GRIK1: variants seen among roughly 807,000 people sequenced by gnomAD.
GRIK1 encodes the protein glutamate ionotropic receptor kainate type subunit 1, also known as glutamate receptor ionotropic, kainate 1.
A neutral mutation model predicts 105.7 loss-of-function variants in GRIK1; 69 were observed. The ratio of observed to expected loss-of-function variants is 0.65; its 90% confidence interval spans 0.54 to 0.80. The LOEUF is 0.80. Among genes scored for constraint, GRIK1 ranks in the 30% least tolerant of loss-of-function variants. The probability of loss-of-function intolerance (pLI) is 0.00; values close to 1 mark genes in which losing one functional copy is unlikely to be tolerated. For missense variants in GRIK1, 1,109 were observed against 1,167.3 expected (o/e 0.95, Z 0.73); for synonymous variants, 438 against 431.3 (o/e 1.02, Z -0.19).
chr21:29,928,595 T>C (rs1234969917), intron 1 of GRIK1, among the ~76,000 whole-genome samples: 1 of 152,206 alleles, frequency 6.6e-6, no homozygotes, highest in Admixed American at 6.5e-5. Context: ...GAAGGTCACT[T>C]GGAGTGGGTG....
chr21:29,695,655 A>G (rs1284050012), intron 1 of GRIK1, among the ~76,000 whole-genome samples: 1 of 151,978 alleles, frequency 6.6e-6, no homozygotes, highest in Non-Finnish European at 1.5e-5. Context: ...TTGTATTTTT[A>G]GTAGATATGG....
chr21:29,868,131 C>T (rs2068890978), intron 1 of GRIK1, among the ~76,000 whole-genome samples: 1 of 152,026 alleles, frequency 6.6e-6, no homozygotes, highest in South Asian at 2.1e-4. Context: ...GAAAAGGCAT[C>T]TGAAAAGATC....
intron 14 of GRIK1, among the ~76,000 whole-genome samples, chr21:29,574,903 C>A (rs1298445087): frequency 3.3e-5 from 5 of 151,738 alleles, no homozygotes; most frequent in Non-Finnish European, 5.9e-5. Flanking sequence ...ACCGTGTTAG[C>A]CAGGATGGTC....
At chr21:29,796,273 G>T (rs747667371) in intron 1 of GRIK1, among the ~76,000 whole-genome samples, 24 of 152,070 alleles carry the variant, frequency 1.6e-4, no homozygotes, top group Non-Finnish European at 3.1e-4. Context: ...TATCCCCAAG[G>T]CTGAGTGTGG....
Position 29,880,949 on chromosome 21 carries a change from C to T in GRIK1, c.118+58434G>A, listed in dbSNP as rs554945987. ...AGGCTAGGTGATAAGGTGAAGATCT[C>T]TGAGGTTAGTAGTGCCCCAGGTTGG... On this transcript the variant is annotated intron_variant, in intron 1 of 17. Coordinates refer to ENST00000327783, the MANE Select transcript of GRIK1 (RefSeq NM_001330994.2). Among the ~76,000 whole-genome samples, 265 of 152,228 alleles carry T rather than the reference C, an allele frequency of 1.7e-3. 7 individuals carry two copies. The South Asian group carries it at 0.052, about 30-fold the overall frequency.
chr21:29,738,361 C>T (rs1289633039), intron 1 of GRIK1, among the ~76,000 whole-genome samples: 1 of 152,228 alleles, frequency 6.6e-6, no homozygotes, highest in Non-Finnish European at 1.5e-5. Flanking sequence ...AGATTCCAAA[C>T]TACATTCAGA....
intron 1 of GRIK1, among the ~76,000 whole-genome samples, chr21:29,923,942 A>G (rs1181437379): frequency 6.6e-6 from 1 of 152,220 alleles, no homozygotes; most frequent in Non-Finnish European, 1.5e-5. Flanking sequence ...CAAAACAACA[A>G]AAACATAGTT....
intron 1 of GRIK1, among the ~76,000 whole-genome samples, chr21:29,702,432 G>A (rs1181475511): frequency 6.6e-6 from 1 of 152,166 alleles, no homozygotes; most frequent in African/African-American, 2.4e-5. Context: ...GGCATTTAAA[G>A]CCATGAGACT....
chr21:29,853,483 A>G (rs549350492), intron 1 of GRIK1, among the ~76,000 whole-genome samples: 223 of 152,332 alleles, frequency 1.5e-3, no homozygotes, highest in Non-Finnish European at 2.0e-3. Context: ...TAGTACTCAG[A>G]TATCTCTTGG....
At chr21:29,693,114 C>T (rs968689354) in intron 2 of GRIK1, among the ~76,000 whole-genome samples, 5 of 152,224 alleles carry the variant, frequency 3.3e-5, no homozygotes, top group Admixed American at 2.6e-4. Context: ...GGCAAAGAAC[C>T]CCCCCAATCT....
At chr21:29,553,985 G>T (rs2090186058) in intron 16 of GRIK1, among the ~76,000 whole-genome samples, 1 of 152,100 alleles carries the variant, frequency 6.6e-6, no homozygotes, top group South Asian at 2.1e-4. Context: ...TGTTGTCATA[G>T]TTGCCTTGTA....
At chr21:29,620,808 T>TATATATATATATATAG (rs2061978720) in intron 7 of GRIK1, among the ~76,000 whole-genome samples, 24 of 122,584 alleles carry the variant, frequency 2.0e-4, no homozygotes, top group Non-Finnish European at 3.4e-4. Context: ...TATATATAGA[T>TATATATATATATATAG]ATATATATAT....
At chr21:29,579,985 G>GTATATATATGTATATATATGTATATATA in intron 13 of GRIK1, among the ~76,000 whole-genome samples, 1 of 144,612 alleles carries the variant, frequency 6.9e-6, no homozygotes, top group African/African-American at 2.6e-5. Flanking sequence ...ATATATATGT[G>GTATATATATGTATATATATGTATATATA]TGTATATATA....
At chr21:29,905,917 C>T (rs1027051440) in intron 1 of GRIK1, among the ~76,000 whole-genome samples, 2 of 151,758 alleles carry the variant, frequency 1.3e-5, no homozygotes, top group Non-Finnish European at 2.9e-5. Flanking sequence ...CGTGAGCCAC[C>T]GCACCTGGCC....
intron 1 of GRIK1, among the ~76,000 whole-genome samples, chr21:29,732,445 A>AT (rs1451505863): frequency 3.9e-5 from 6 of 152,094 alleles, no homozygotes; most frequent in Non-Finnish European, 7.4e-5. Context: ...TTAACTGTTG[A>AT]TTTTCTTCAA....
At chr21:29,551,248 T>C (rs1177512160) in intron 16 of GRIK1, among the ~76,000 whole-genome samples, 1 of 152,248 alleles carries the variant, frequency 6.6e-6, no homozygotes, top group Non-Finnish European at 1.5e-5. Flanking sequence ...CTATGGGTTA[T>C]TTAACTATGA....
intron 1 of GRIK1, among the ~76,000 whole-genome samples, chr21:29,833,184 A>G (rs1436620732): frequency 6.6e-6 from 1 of 152,156 alleles, no homozygotes; most frequent in African/African-American, 2.4e-5. Context: ...TTCAGCCTAG[A>G]CTTCATTGAT....
chr21:29,860,043 G>A (rs1432462046), intron 1 of GRIK1, among the ~76,000 whole-genome samples: 3 of 152,182 alleles, frequency 2.0e-5, no homozygotes, highest in Admixed American at 6.5e-5. Flanking sequence ...AAAGTGCAGG[G>A]CATAAAGGGA....
At chr21:29,784,710 C>T (rs1276574417) in intron 1 of GRIK1, among the ~76,000 whole-genome samples, 1 of 151,946 alleles carries the variant, frequency 6.6e-6, no homozygotes, top group Non-Finnish European at 1.5e-5. Flanking sequence ...TAATACTATC[C>T]CATACATCAA....
Sources: allele counts gnomAD v4.1 joint callset (sites outside exome capture counted in the v4.1 genomes callset), GRCh38; gene constraint gnomAD v4.1.1; transcripts MANE v1.5; gene names NCBI Gene and HGNC (gene_info 2026-07-23, HGNC 2026-07-21).